The following MAN2A1 variants were observed in gnomAD, a reference collection of about 807,000 sequenced individuals.
The protein encoded by MAN2A1 is mannosidase alpha class 2A member 1.
MAN2A1 carries 76 observed loss-of-function variants against 142.6 expected under a neutral mutation model. The ratio of observed to expected loss-of-function variants is 0.53; its 90% CI spans 0.44 to 0.65. The LOEUF is 0.65. MAN2A1 is among the 30% of genes least tolerant of loss of function. The pLI is 0.00. For synonymous variants in MAN2A1, 559 were observed against 473.2 expected (o/e 1.18, Z -2.35); for missense variants, 1,311 against 1,365.1 (o/e 0.96, Z 0.62).
chr5:109,839,919 A>G (rs933605708), intron 16 of MAN2A1, among the ~76,000 whole-genome samples: 2 of 151,680 alleles, frequency 1.3e-5, no homozygotes, highest in Admixed American at 6.6e-5. Flanking sequence ...TGCCTACACT[A>G]ACAGCATTTA....
At position 109,713,732 on chromosome 5, in the gene MAN2A1, T is replaced by C. The variant is rs757748881; in HGVS notation, c.348T>C (p.Cys116=). ...CCCTCTCAGTTGACACTGCAGACTG[T>C]CTGTTTGCTTCACAAAGTGGAAGTC... ...QLSLSVDTAD[C]LFASQSGSHN... is the part of the protein sequence containing the mutation. The change falls in exon 2 of 22, where the codon TGT becomes TGC. Residue 116 remains cysteine, a synonymous_variant. Coordinates refer to ENST00000261483, the MANE Select transcript of MAN2A1 (RefSeq NM_002372.4). 4 of 1,613,990 alleles carry C rather than the reference T, an allele frequency of 2.5e-6. No homozygotes were observed. Among genetic ancestry groups the C allele is most frequent in the Non-Finnish European group, 3.4e-6 (4 of 1,179,902 alleles).
intron 12 of MAN2A1, among the ~76,000 whole-genome samples, chr5:109,792,596 T>G (rs1753763225): frequency 6.6e-6 from 1 of 152,164 alleles, no homozygotes; most frequent in African/African-American, 2.4e-5. Flanking sequence ...AACAAACTAA[T>G]CTAAAACTTA....
intron 20 of MAN2A1, among the ~76,000 whole-genome samples, chr5:109,856,775 G>T (rs1363526586): frequency 6.6e-6 from 1 of 150,908 alleles, no homozygotes; most frequent in Non-Finnish European, 1.5e-5. Context: ...TGCTCGAGGC[G>T]TGTGTGCGTG....
Position 109,868,435 on chromosome 5 carries a change from G to T in MAN2A1, c.*1437G>T, listed in dbSNP as rs985356277. On this transcript the variant is annotated 3_prime_UTR_variant, in exon 22 of 22. Coordinates refer to ENST00000261483, the MANE Select transcript of MAN2A1 (RefSeq NM_002372.4). Reference sequence around the variant, plus strand: ...TTTTAGCATAGAAAGGAGTCTTTGAGTATGTACAGTTTTGAAAATTCTCTT... The same window carrying T: ...TTTTAGCATAGAAAGGAGTCTTTGATTATGTACAGTTTTGAAAATTCTCTT... 6.6e-6 allele frequency: 1 copy of T among 152,288 alleles called. No individual in the cohort carries two copies. Among genetic ancestry groups the T allele is most frequent in the South Asian group, 2.1e-4 (1 of 4,824 alleles). The allele number at this position is 152,288 out of a possible 1,614,324, so 9.4% of individuals were successfully genotyped here. A position where few individuals can be genotyped will look rare whatever the true frequency, so the allele number is the denominator to read the frequency against.
At chr5:109,762,185 G>A (rs1006026301) in intron 5 of MAN2A1, among the ~76,000 whole-genome samples, 1 of 152,032 alleles carries the variant, frequency 6.6e-6, no homozygotes, top group Non-Finnish European at 1.5e-5. Context: ...ATAGTAAAGT[G>A]TTTAAAGCTA....
intron 13 of MAN2A1, among the ~76,000 whole-genome samples, chr5:109,818,639 T>C (rs966124353): frequency 6.6e-6 from 1 of 152,108 alleles, no homozygotes; most frequent in Non-Finnish European, 1.5e-5. Context: ...CGAAATATCA[T>C]AATATTGCAA....
At chr5:109,825,782 G>A (rs1289147057) in intron 16 of MAN2A1, among the ~76,000 whole-genome samples, 1 of 152,002 alleles carries the variant, frequency 6.6e-6, no homozygotes, top group Non-Finnish European at 1.5e-5. Flanking sequence ...GGCCACTGAG[G>A]TTTGACTGGC....
intron 8 of MAN2A1, 78 bp from the exon 9 acceptor site, chr5:109,781,318 T>A: frequency 1.3e-6 from 1 of 745,750 alleles, no homozygotes; most frequent in Admixed American, 3.4e-5. Flanking sequence ...ATATTTATTA[T>A]TAACTTTCCC....
intron 5 of MAN2A1, among the ~76,000 whole-genome samples, chr5:109,763,449 G>C (rs1008266318): frequency 2.6e-5 from 4 of 151,270 alleles, no homozygotes; most frequent in Admixed American, 2.6e-4. Context: ...AGCTTTGGCT[G>C]CATCTTATGA....
chr5:109,724,535 G>T (rs1751691254), intron 3 of MAN2A1, among the ~76,000 whole-genome samples: 1 of 151,982 alleles, frequency 6.6e-6, no homozygotes. Flanking sequence ...AAATCTTGAG[G>T]CTTAAGTTGC....
intron 16 of MAN2A1, among the ~76,000 whole-genome samples, chr5:109,841,099 C>G (rs1755191064): frequency 6.6e-6 from 1 of 151,992 alleles, no homozygotes. Flanking sequence ...GACCACTTTC[C>G]TAATTGCTCT....
intron 1 of MAN2A1, among the ~76,000 whole-genome samples, chr5:109,712,170 A>G (rs575530411): frequency 4.6e-5 from 7 of 152,022 alleles, no homozygotes; most frequent in Admixed American, 3.9e-4. Flanking sequence ...AGTTTGCTCA[A>G]ATGATTGGCC....
At chr5:109,753,487 GTCA>G (rs1242448251) in intron 4 of MAN2A1, among the ~76,000 whole-genome samples, 1 of 152,162 alleles carries the variant, frequency 6.6e-6, no homozygotes, top group Admixed American at 6.5e-5. Context: ...ATTCTAATGA[GTCA>G]TCATATTCTC....
At chr5:109,691,262 C>G (rs1750663748) in intron 1 of MAN2A1, among the ~76,000 whole-genome samples, 1 of 152,110 alleles carries the variant, frequency 6.6e-6, no homozygotes, top group Admixed American at 6.5e-5. Flanking sequence ...GACGACCCAT[C>G]CAAAGTCTTA....
intron 20 of MAN2A1, among the ~76,000 whole-genome samples, chr5:109,856,877 C>G (rs184245428): frequency 1.3e-5 from 2 of 152,184 alleles, no homozygotes; most frequent in East Asian, 3.9e-4. Flanking sequence ...CCATAAAACA[C>G]ACAAATGCCC....
intron 20 of MAN2A1, 164 bp from the exon 21 acceptor site, chr5:109,864,872 G>C: frequency 1.6e-6 from 1 of 616,804 alleles, no homozygotes; most frequent in Non-Finnish European, 3.0e-6. Context: ...AATGGTAGCA[G>C]GTGAATGGGC....
intron 21 of MAN2A1, chr5:109,865,400 C>T (rs1755853404): frequency 7.0e-6 from 3 of 428,912 alleles, no homozygotes; most frequent in Non-Finnish European, 1.3e-5. Flanking sequence ...TTTCCTAGGC[C>T]TTCTATTTCC....
chr5:109,848,392 C>G (rs1189512306), intron 19 of MAN2A1, among the ~76,000 whole-genome samples: 1 of 152,160 alleles, frequency 6.6e-6, no homozygotes, highest in Non-Finnish European at 1.5e-5. Context: ...GATCCACCCA[C>G]CTTGGATAGC....
At chr5:109,715,690 A>C (rs180765084) in intron 2 of MAN2A1, among the ~76,000 whole-genome samples, 1 of 152,222 alleles carries the variant, frequency 6.6e-6, no homozygotes, top group South Asian at 2.1e-4. Flanking sequence ...TTTAATATAC[A>C]TGAGATTTAC....
Sources: allele counts gnomAD v4.1 joint callset (sites outside exome capture counted in the v4.1 genomes callset), GRCh38; gene constraint gnomAD v4.1.1; transcripts MANE v1.5; gene names NCBI Gene and HGNC (gene_info 2026-07-23, HGNC 2026-07-21).